SIX5: variants seen among roughly 807,000 people sequenced by gnomAD.
SIX5 encodes the protein SIX homeobox 5, also known as homeobox protein SIX5.
A neutral mutation model predicts 37.1 loss-of-function variants in SIX5; 21 were observed. The observed-to-expected ratio is 0.57, with a 90% confidence interval of 0.40 to 0.81. SIX5 has a LOEUF of 0.81. Ranked by LOEUF, SIX5 falls within the 40% of genes least tolerant of loss-of-function variation. The pLI, the probability that SIX5 is intolerant of heterozygous loss-of-function variation, is 0.00. For synonymous variants in SIX5, 626 were observed against 505.9 expected, an observed-to-expected ratio of 1.24 and a Z score of -3.19; for missense variants, 1,137 against 1,025.1, an observed-to-expected ratio of 1.11 and a Z score of -1.49.
At position 45,765,745 on chromosome 19, in the gene SIX5, G is replaced by C. The variant is rs763459559; in HGVS notation, c.1976C>G (p.Pro659Arg). The change falls in exon 3 of 3, where the codon CCC (proline) becomes CGC (arginine). Residue 659 changes from proline (P) to arginine (R), a missense_variant. Pro to Arg is a moderately radical substitution (Grantham distance 103). This residue lies in a region of SIX5 where 787 missense variants were observed against 621.4 expected (regional missense o/e 1.27). Coordinates refer to ENST00000317578, the MANE Select transcript of SIX5 (RefSeq NM_175875.5). The part of the protein sequence containing the change: ...APPPEGLMLS[P>R]AAVPVWSAGL... ...TGCTGACCAGACAGGCACGGCCGCGGGTGACAACATCAGCCCCTCTGGTGG... is the reference window on the plus strand; with the variant it reads ...TGCTGACCAGACAGGCACGGCCGCGCGTGACAACATCAGCCCCTCTGGTGG... 3.1e-6 allele frequency: 5 copies of C among 1,611,614 alleles called. No homozygotes were observed. The highest frequency in any genetic ancestry group is 4.2e-6 in the Non-Finnish European group (5 of 1,179,970).
rs930806559 is a variant in SIX5, at chr19:45,768,328, C to A, written c.517G>T (p.Glu173Ter). 6.2e-7 allele frequency: 1 copy of A among 1,605,912 alleles called. No individual in the cohort carries two copies. Among genetic ancestry groups the A allele is most frequent in the Admixed American group, 1.7e-5 (1 of 59,068 alleles). The change falls in exon 1 of 3, where the codon GAG becomes TAG. Residue 173 changes from glutamate (E) to a stop codon, truncating the protein, a stop_gained. Coordinates refer to ENST00000317578, the MANE Select transcript of SIX5 (RefSeq NM_175875.5). LOFTEE classifies it high-confidence loss of function. Reference protein sequence around the residue: ...LYLRARYHEAERARGRALGAV... With the variant: ...LYLRARYHEA The stretch of plus-strand genomic sequence containing the variant: ...CCAAGCGCGCGGCCGCGGGCCCGCT[C>A]GGCCTCATGGTAGCGCGCGCGCAGG...
chr19:45,765,375 G>GCCACCAAGC lies in SIX5; in HGVS notation c.*125_*126insGCTTGGTGG. On this transcript the variant is annotated 3_prime_UTR_variant, in exon 3 of 3. Coordinates refer to ENST00000317578, the MANE Select transcript of SIX5 (RefSeq NM_175875.5). ...CCCAGCACCACCAGGGCTTGGAGAG[G>GCCACCAAGC]CCACCCAGGCAGAAGGATGTGGTGA... is the stretch of plus-strand genomic sequence containing the variant. The GCCACCAAGC allele has an allele frequency of 7.1e-7, 1 of 1,407,318 alleles. No homozygotes were observed. Among genetic ancestry groups the GCCACCAAGC allele is most frequent in the Non-Finnish European group, 1.0e-6 (1 of 1,003,530 alleles). 87.2% of individuals were successfully genotyped at this position (1,407,318 alleles called of 1,614,324 possible).
rs1306935488 is a variant in SIX5 at position 45,765,809 on chromosome 19, G to A, written c.1912C>T (p.Pro638Ser). The change falls in exon 3 of 3, where the codon CCT becomes TCT. Residue 638 changes from proline to serine, a missense_variant. Pro to Ser is a moderately conservative substitution (Grantham distance 74). Around this residue, in one of 3 missense-constraint regions of SIX5, gnomAD observed 787 missense variants for 621.4 expected, o/e 1.27. Coordinates refer to ENST00000317578, the MANE Select transcript of SIX5 (RefSeq NM_175875.5). ...TTSSTSLPFSPDSPGLLPNFP... is the reference protein window; with the variant it reads ...TTSSTSLPFSSDSPGLLPNFP... ...TTGGGCAGGAGGCCAGGGGAGTCAGGGGAGAAGGGCAGGCTGGTGCTGGAG... is the reference window on the plus strand; with the variant it reads ...TTGGGCAGGAGGCCAGGGGAGTCAGAGGAGAAGGGCAGGCTGGTGCTGGAG... 3 of 1,604,036 alleles carry A rather than the reference G, an allele frequency of 1.9e-6. No individual in the cohort carries two copies. Among genetic ancestry groups the A allele is most frequent in the South Asian group, 1.1e-5 (1 of 91,086 alleles).
rs1969063123 is a variant in SIX5 at position 45,765,968 on chromosome 19, G to A, written c.1753C>T (p.Leu585=). ...ATGGCCGTCTCTGGCTTCAGTGGCA[G>A]GGCCAGGCCGGGGGCTGGCGGCAGG... ...QVLPPAPGLA[L]PLKPETAISV... The change falls in exon 3 of 3, where the codon CTG becomes TTG. Residue 585 remains leucine (L), a synonymous_variant. Coordinates refer to ENST00000317578, the MANE Select transcript of SIX5 (RefSeq NM_175875.5). 1.9e-6 allele frequency: 3 copies of A among 1,595,034 alleles called. No individual in the cohort carries two copies. Among genetic ancestry groups the A allele is most frequent in the Non-Finnish European group, 1.7e-6 (2 of 1,171,388 alleles).
chr19:45,766,167 G>C (rs774703348), intron 2 of SIX5, 56 bp from the exon 3 acceptor site: 2 of 1,576,070 alleles, frequency 1.3e-6, no homozygotes, highest in African/African-American at 2.7e-5. Context: ...GGCCAAGCCA[G>C]AGAGAAGTGG....
rs759679618 is a variant in SIX5, at chr19:45,766,328, TGAGG to T, written c.1609+18_1609+21del. 6 of 1,562,080 alleles carry T rather than the reference TGAGG, an allele frequency of 3.8e-6. No individual in the cohort carries two copies. In the East Asian group the frequency reaches 9.5e-5, roughly 25 times the overall value. Reference sequence around the variant, plus strand: ...CCCCTCCCCGGCTCTCACCTAGGCCTGAGGGAGGGAGATGGGGGTACCTGGGGCA... The same window carrying T: ...CCCCTCCCCGGCTCTCACCTAGGCCTGAGGGAGATGGGGGTACCTGGGGCA... On this transcript the variant is annotated intron_variant, in intron 2 of 2. Coordinates refer to ENST00000317578, the MANE Select transcript of SIX5 (RefSeq NM_175875.5).
Position 45,764,909 on chromosome 19 carries a change from TTGGTC to T in SIX5, c.*587_*591del, listed in dbSNP as rs1399832132. The stretch of plus-strand genomic sequence containing the variant: ...GCTGCCCCCAGGGATGAGGGAATCT[TTGGTC>T]TGGGCCGGATAATGAGGACAAGGGC... On this transcript the variant is annotated 3_prime_UTR_variant, in exon 3 of 3. Coordinates refer to ENST00000317578, the MANE Select transcript of SIX5 (RefSeq NM_175875.5). The T allele has an allele frequency of 6.2e-6, 1 of 160,690 alleles. No homozygotes were observed. The highest frequency in any genetic ancestry group is 1.4e-5 in the Non-Finnish European group (1 of 72,134). The allele number at this position is 160,690 out of a possible 1,614,324, so 10.0% of individuals were successfully genotyped here. A position where few individuals can be genotyped will look rare whatever the true frequency, so the allele number is the denominator to read the frequency against.
rs373614429 is a variant in SIX5 at position 45,765,849 on chromosome 19, G to T, written c.1872C>A (p.Pro624=). The T allele has an allele frequency of 1.3e-5, 21 of 1,595,852 alleles. No homozygotes were observed. In the African/African-American group the frequency reaches 2.4e-4, roughly 18 times the overall value. ...LGTLSAQQPP[P]AAATTSSTSL... ...TGGTGCTGGAGGTGGTGGCAGCGGCGGGGGGTGGCTGCTGTGCAGAAAGGG... is the reference window on the plus strand; with the variant it reads ...TGGTGCTGGAGGTGGTGGCAGCGGCTGGGGGTGGCTGCTGTGCAGAAAGGG... Residue 624 remains proline (P), a synonymous_variant, in exon 3 of 3, where the codon CCC becomes CCA. Coordinates refer to ENST00000317578, the MANE Select transcript of SIX5 (RefSeq NM_175875.5).
At position 45,768,471 on chromosome 19, in the gene SIX5, G is replaced by C; in HGVS notation, c.374C>G (p.Pro125Arg). The C allele has an allele frequency of 1.3e-6, 2 of 1,526,762 alleles. No homozygotes were observed. Among genetic ancestry groups the C allele is most frequent in the Non-Finnish European group, 1.7e-6 (2 of 1,143,262 alleles). 94.6% of individuals were successfully genotyped at this position (1,526,762 alleles called of 1,614,324 possible). A position where few individuals can be genotyped will look rare whatever the true frequency, so the allele number is the denominator to read the frequency against. ...CACCAGGGCCCGCGCGCGCAACACCGGGTCGCTGCCACGTAGGCGCTCGGC... is the reference window on the plus strand; with the variant it reads ...CACCAGGGCCCGCGCGCGCAACACCCGGTCGCTGCCACGTAGGCGCTCGGC... Reference protein sequence around the residue: ...PPAERLRGSDPVLRARALVAF... With the variant: ...PPAERLRGSDRVLRARALVAF... The change falls in exon 1 of 3, where the codon CCG (proline) becomes CGG (arginine). Residue 125 changes from proline (P) to arginine (R), a missense_variant. Physicochemically the swap from Pro to Arg is moderately radical, Grantham distance 103. Coordinates refer to ENST00000317578, the MANE Select transcript of SIX5 (RefSeq NM_175875.5).
Position 45,768,801 on chromosome 19 carries a change from C to A in SIX5, c.44G>T (p.Gly15Val), listed in dbSNP as rs566455594. Residue 15 changes from glycine to valine, a missense_variant, in exon 1 of 3, where the codon GGG (glycine) becomes GTG (valine). By Grantham distance (109) the Gly-to-Val change is moderately radical (BLOSUM62 -3). Around this residue, in one of 3 missense-constraint regions of SIX5, gnomAD observed 331 missense variants for 360.9 expected, o/e 0.92. Coordinates refer to ENST00000317578, the MANE Select transcript of SIX5 (RefSeq NM_175875.5). ...PAEPSAGPAA[G>V]GEAVAAAAAT... is the part of the protein sequence containing the mutation. ...CGCCGCCGCCGCCACCGCCTCCCCC[C>A]CAGCCGCCGGCCCCGCGCTCGGCTC... 5.9e-6 allele frequency: 9 copies of A among 1,530,144 alleles called. No individual in the cohort carries two copies. Among genetic ancestry groups the A allele is most frequent in the Middle Eastern group, 1.9e-4 (1 of 5,202 alleles). The allele number at this position is 1,530,144 out of a possible 1,614,324, so 94.8% of individuals were successfully genotyped here. A position where few individuals can be genotyped will look rare whatever the true frequency, so the allele number is the denominator to read the frequency against.
In SIX5 at chr19:45,766,585, T is replaced by G; in HGVS notation, c.1374A>C (p.Pro458=). 6.8e-7 allele frequency: 1 copy of G among 1,467,072 alleles called. No homozygotes were observed. The highest frequency in any genetic ancestry group is 9.1e-7 in the Non-Finnish European group (1 of 1,104,130). The allele number at this position is 1,467,072 out of a possible 1,614,324, so 90.9% of individuals were successfully genotyped here. Residue 458 remains proline (P), a synonymous_variant, in exon 2 of 3, where the codon CCA becomes CCC. Coordinates refer to ENST00000317578, the MANE Select transcript of SIX5 (RefSeq NM_175875.5). The part of the protein sequence containing the change: ...VAAPQVVPLS[P]PPGYPTGLSP... ...TCAGGCCCGTGGGATACCCCGGGGG[T>G]GGGGAGAGCGGTACCACTTGTGGGG...
Position 45,766,660 on chromosome 19 carries a change from C to T in SIX5, c.1299G>A (p.Pro433=). Reference sequence around the variant, plus strand: ...GGGGCAGAGGAAAGGTGGCAGCCGTCGGGGGGCCAGGCACCACTTGGGCCA... The same window carrying T: ...GGGGCAGAGGAAAGGTGGCAGCCGTTGGGGGGCCAGGCACCACTTGGGCCA... ...GPLAQVVPGP[P]TAATFPLPPG... The change falls in exon 2 of 3, where the codon CCG becomes CCA. Residue 433 remains proline, a synonymous_variant. Transcript: ENST00000317578. 1.3e-6 allele frequency: 2 copies of T among 1,487,486 alleles called. No individual in the cohort carries two copies. The highest frequency in any genetic ancestry group is 1.8e-4 in the Middle Eastern group (1 of 5,620). 92.1% of individuals were successfully genotyped at this position (1,487,486 alleles called of 1,614,324 possible).
Position 45,768,428 on chromosome 19 carries a change from C to T in SIX5, c.417G>A (p.Glu139=). ...ARALVAFQRG[E]YAELYRLLES... The stretch of plus-strand genomic sequence containing the variant: ...CGAGTAGCCGGTAGAGCTCGGCGTA[C>T]TCGCCCCGCTGGAAGGCCACCAGGG... Residue 139 remains glutamate, a synonymous_variant, in exon 1 of 3, where the codon GAG becomes GAA. Coordinates refer to ENST00000317578, the MANE Select transcript of SIX5 (RefSeq NM_175875.5). 1 of 1,540,550 alleles carries T rather than the reference C, an allele frequency of 6.5e-7. No individual in the cohort carries two copies. The highest frequency in any genetic ancestry group is 1.2e-5 in the South Asian group (1 of 84,832).
rs1969133200 is a variant in SIX5, at chr19:45,768,405, A to G, written c.440T>C (p.Leu147Pro). 6.4e-7 allele frequency: 1 copy of G among 1,560,382 alleles called. No individual in the cohort carries two copies. The highest frequency in any genetic ancestry group is 8.6e-7 in the Non-Finnish European group (1 of 1,160,204). The change falls in exon 1 of 3, where the codon CTC (leucine) becomes CCC (proline). Residue 147 changes from leucine (L) to proline (P), a missense_variant. By Grantham distance (98) the Leu-to-Pro change is moderately conservative. Coordinates refer to ENST00000317578, the MANE Select transcript of SIX5 (RefSeq NM_175875.5). The stretch of plus-strand genomic sequence containing the variant: ...GGCGGCGGGGAAGGGGCGGCTCTCG[A>G]GTAGCCGGTAGAGCTCGGCGTACTC... ...RGEYAELYRL[L>P]ESRPFPAAHH... is the part of the protein sequence containing the mutation.
chr19:45,767,206 C>T, intron 1 of SIX5, 51 bp from the exon 2 acceptor site: 1 of 1,571,322 alleles, frequency 6.4e-7, no homozygotes, highest in Non-Finnish European at 8.7e-7. Flanking sequence ...GTGGGGCCTC[C>T]CGCATAGCCA....
chr19:45,768,325 G>T lies in SIX5; in HGVS notation c.520C>A (p.Arg174=). 1 of 1,605,994 alleles carries T rather than the reference G, an allele frequency of 6.2e-7. No homozygotes were observed. ...YLRARYHEAE[R]ARGRALGAVD... ...GCGCCAAGCGCGCGGCCGCGGGCCC[G>T]CTCGGCCTCATGGTAGCGCGCGCGC... is the stretch of plus-strand genomic sequence containing the variant. The change falls in exon 1 of 3, where the codon CGG becomes AGG. Residue 174 remains arginine, a synonymous_variant. Transcript: ENST00000317578.
chr19:45,765,985 G>A lies in SIX5; in HGVS notation c.1736C>T (p.Pro579Leu). The part of the protein sequence containing the change: ...TSMLVSQVLP[P>L]APGLALPLKP... ...CAGTGGCAGGGCCAGGCCGGGGGCT[G>A]GCGGCAGGACCTGGGAGACGAGCAT... The change falls in exon 3 of 3, where the codon CCA becomes CTA. Residue 579 changes from proline to leucine, a missense_variant. Around this residue, in one of 3 missense-constraint regions of SIX5, gnomAD observed 787 missense variants for 621.4 expected, o/e 1.27. Coordinates refer to ENST00000317578, the MANE Select transcript of SIX5 (RefSeq NM_175875.5). The A allele has an allele frequency of 6.3e-7, 1 of 1,594,684 alleles. No individual in the cohort carries two copies. Among genetic ancestry groups the A allele is most frequent in the Non-Finnish European group, 8.5e-7 (1 of 1,171,664 alleles).
In SIX5 at chr19:45,767,261, C is replaced by T. The variant is rs537209040; in HGVS notation, c.804-106G>A. 1.2e-3 allele frequency: 1,518 copies of T among 1,219,740 alleles called. 2 individuals are homozygous for T. Among genetic ancestry groups the T allele is most frequent in the Non-Finnish European group, 1.4e-3 (1,209 of 860,204 alleles). The allele number at this position is 1,219,740 out of a possible 1,614,324, so 75.6% of individuals were successfully genotyped here. On this transcript the variant is annotated intron_variant, in intron 1 of 2. Transcript: ENST00000317578. ...TTCCCTGGCCCAAGTTTCGGTGGAT[C>T]ATTCCAGGGGTTATGACGCCTCTCT...
chr19:45,769,165 G>A lies in SIX5; in HGVS notation c.-321C>T. ...GTTTCCCCATCGGGACAACGCAGAA[G>A]GTAACGGGCCGTCCAGGAGGACTAA... On this transcript the variant is annotated 5_prime_UTR_variant, in exon 1 of 3. Coordinates refer to ENST00000317578, the MANE Select transcript of SIX5 (RefSeq NM_175875.5). 2.7e-6 allele frequency: 1 copy of A among 368,504 alleles called. No individual in the cohort carries two copies. Among genetic ancestry groups the A allele is most frequent in the Non-Finnish European group, 5.0e-6 (1 of 201,282 alleles). The allele number at this position is 368,504 out of a possible 1,614,324, so 22.8% of individuals were successfully genotyped here.
Sources: gnomAD v4.1 joint callset for allele counts on GRCh38, gnomAD v4.1.1 for gene constraint, gnomAD v4.1.1 regional missense constraint, MANE v1.5 for transcripts, NCBI Gene and HGNC (gene_info 2026-07-23, HGNC 2026-07-21) for gene names.